Variants in TUSC3 observed in about 807,000 individuals in gnomAD.
TUSC3 encodes the protein tumor suppressor candidate 3.
TUSC3 carries 45 observed loss-of-function variants against 44.8 expected under a neutral mutation model. That is an observed-to-expected ratio of 1.00 (90% CI 0.79 to 1.29). The LOEUF is 1.29. Among genes scored for constraint, TUSC3 ranks in the 50% most tolerant of loss-of-function variants. The pLI is 0.00. For missense variants in TUSC3, 519 were observed against 437.9 expected (o/e 1.19, Z -1.65); for synonymous variants, 212 against 152.9 (o/e 1.39, Z -2.85).
intron 1 of TUSC3, among the ~76,000 whole-genome samples, chr8:15,426,769 A>T (rs1208586548): frequency 6.6e-6 from 1 of 152,206 alleles, no homozygotes; most frequent in Non-Finnish European, 1.5e-5. Flanking sequence ...GCTAGATAAT[A>T]AGGTAGTTCT....
chr8:15,506,070 G>T (rs551135199), intron 2 of TUSC3, among the ~76,000 whole-genome samples: 3 of 152,304 alleles, frequency 2.0e-5, no homozygotes, highest in Admixed American at 6.5e-5. Context: ...ATCAGTGATT[G>T]TAAACCTGCC....
chr8:15,824,531 T>A, the TUSC3 span, among the ~76,000 whole-genome samples: 2 of 151,210 alleles, frequency 1.3e-5, no homozygotes, highest in Non-Finnish European at 2.9e-5. Flanking sequence ...CACTGCATGT[T>A]CTCACTCATA....
chr8:15,852,013 T>C, the TUSC3 span, among the ~76,000 whole-genome samples: 1 of 152,152 alleles, frequency 6.6e-6, no homozygotes, highest in African/African-American at 2.4e-5. Flanking sequence ...GATGTGCCTT[T>C]TGCCTTCCAC....
the TUSC3 span, among the ~76,000 whole-genome samples, chr8:15,788,626 T>G: frequency 6.6e-6 from 1 of 151,694 alleles, no homozygotes; most frequent in Non-Finnish European, 1.5e-5. Context: ...TCATCCAGAC[T>G]GCCTACCCCG....
chr8:15,838,227 A>G, the TUSC3 span, among the ~76,000 whole-genome samples: 1 of 152,182 alleles, frequency 6.6e-6, no homozygotes, highest in African/African-American at 2.4e-5. Context: ...CTCCGGATAT[A>G]TCATTTACCT....
At chr8:15,429,789 C>A (rs150166313) in intron 1 of TUSC3, among the ~76,000 whole-genome samples, 21,099 of 151,312 alleles carry the variant, frequency 0.14, 1,752 homozygotes, top group Middle Eastern at 0.21. Context: ...TAAAAAATGA[C>A]AAAGGGGATA....
At position 15,748,396 on chromosome 8, in the gene TUSC3, G is replaced by T; in HGVS notation, c.959G>T (p.Gly320Val). The change falls in exon 9 of 11, where the codon GGC becomes GTC. Residue 320 changes from glycine (G) to valine (V), a missense_variant. Coordinates refer to ENST00000503731, the MANE Select transcript of TUSC3 (RefSeq NM_006765.4). ...CTAGTAATTTGCCTAGTGGGATTGG[G>T]CCTGGTGGTCTTCTTCTTCAGTTTT... ...KRRIICLVGLGLVVFFFSFLL... is the reference protein window; with the variant it reads ...KRRIICLVGLVLVVFFFSFLL... 1 of 1,613,454 alleles carries T rather than the reference G, an allele frequency of 6.2e-7. No homozygotes were observed. The highest frequency in any genetic ancestry group is 8.5e-7 in the Non-Finnish European group (1 of 1,179,556).
At chr8:15,512,304 T>C (rs75991438) in intron 2 of TUSC3, among the ~76,000 whole-genome samples, 5,035 of 152,150 alleles carry the variant, frequency 0.033, 251 homozygotes, top group African/African-American at 0.11. Context: ...ACCCATTCCA[T>C]TGAAGGTTTT....
chr8:15,566,664 G>T (rs1234258107), intron 1 of TUSC3, among the ~76,000 whole-genome samples: 1 of 151,374 alleles, frequency 6.6e-6, no homozygotes, highest in Non-Finnish European at 1.5e-5. Flanking sequence ...CTGTTGCTCA[G>T]ACTGGAGTAC....
intron 6 of TUSC3, among the ~76,000 whole-genome samples, chr8:15,710,561 C>A (rs1384333141): frequency 6.6e-6 from 1 of 151,656 alleles, no homozygotes; most frequent in Non-Finnish European, 1.5e-5. Context: ...AAAGGAAACA[C>A]TTGTTTACCT....
intron 6 of TUSC3, among the ~76,000 whole-genome samples, chr8:15,723,052 G>C (rs1810362694): frequency 6.6e-6 from 1 of 152,048 alleles, no homozygotes; most frequent in Non-Finnish European, 1.5e-5. Context: ...CTGAAAATCT[G>C]TTTTTTAAAC....
At chr8:15,841,680 A>C in the TUSC3 span, among the ~76,000 whole-genome samples, 1 of 152,060 alleles carries the variant, frequency 6.6e-6, no homozygotes, top group Non-Finnish European at 1.5e-5. Flanking sequence ...CACCCAGCTA[A>C]TATTTGTATT....
the TUSC3 span, among the ~76,000 whole-genome samples, chr8:15,803,072 ACTC>A: frequency 1.6e-4 from 24 of 152,054 alleles, no homozygotes; most frequent in African/African-American, 5.6e-4. Context: ...GTTGATGTTC[ACTC>A]CTCTCTTCTA....
rs182703400 is a variant in TUSC3 at position 15,705,324 on chromosome 8, T to A, written c.799-25342T>A. On this transcript the variant is annotated intron_variant, in intron 6 of 10. Coordinates refer to ENST00000503731, the MANE Select transcript of TUSC3 (RefSeq NM_006765.4). ...AAAGATTTACTTTGAACAAAAACTA[T>A]TTAAACAAGAAGACTGCTCAAATTA... Among the ~76,000 whole-genome samples, 170 of 152,182 alleles carry A rather than the reference T, an allele frequency of 1.1e-3. 2 individuals are homozygous for A. The highest frequency in any genetic ancestry group is 6.8e-3 in the East Asian group (35 of 5,166).
intron 1 of TUSC3, among the ~76,000 whole-genome samples, chr8:15,467,882 G>A (rs1373352595): frequency 6.6e-6 from 1 of 151,868 alleles, no homozygotes; most frequent in African/African-American, 2.4e-5. Context: ...ATTCTACTTA[G>A]AATTCAACAA....
chr8:15,733,345 CT>C, intron 7 of TUSC3: 1 of 381,624 alleles, frequency 2.6e-6, no homozygotes, highest in Non-Finnish European at 5.0e-6. Flanking sequence ...ATTATAGCTT[CT>C]TTTTGTTTTT....
At chr8:15,442,383 A>T (rs1800032417) in intron 1 of TUSC3, among the ~76,000 whole-genome samples, 1 of 152,202 alleles carries the variant, frequency 6.6e-6, no homozygotes, top group African/African-American at 2.4e-5. Context: ...AAGAATAAAG[A>T]GTAGAAAAAA....
In TUSC3 at chr8:15,512,799, T is replaced by TC. The variant is rs397687396; in HGVS notation, n.189+29316_189+29317insC. Among the ~76,000 whole-genome samples the TC allele has an allele frequency of 3.9e-3, 575 of 147,034 alleles. 8 individuals carry two copies. The highest frequency in any genetic ancestry group is 0.013 in the African/African-American group (510 of 39,688). ...GTCAACCAATCAATCAATCAATCAA[T>TC]AAATCCCATTCTGTCTTGGGGTGTG... On this transcript the variant is annotated intron_variant and non_coding_transcript_variant, in intron 2 of 5. Transcript: ENST00000503191.
intron 1 of TUSC3, among the ~76,000 whole-genome samples, chr8:15,565,293 T>C (rs908013335): frequency 1.3e-5 from 2 of 152,106 alleles, no homozygotes; most frequent in African/African-American, 2.4e-5. Context: ...TTTTCTTGCC[T>C]TCCTGTTACA....
Sources: allele counts gnomAD v4.1 joint callset (sites outside exome capture counted in the v4.1 genomes callset), GRCh38; gene constraint gnomAD v4.1.1; transcripts MANE v1.5; gene names NCBI Gene and HGNC (gene_info 2026-07-23, HGNC 2026-07-21).